LAMB4: variants seen among roughly 807,000 people sequenced by gnomAD.
LAMB4 encodes the protein laminin subunit beta-4.
LAMB4 carries 196 observed loss-of-function variants against 199.2 expected under a neutral mutation model. That is an observed-to-expected ratio of 0.98 (90% CI 0.88 to 1.11). LAMB4 has a LOEUF of 1.11. LAMB4 is among the 50% of genes least tolerant of loss of function. The pLI is 0.00. For synonymous variants in LAMB4, 744 were observed against 770.6 expected, an observed-to-expected ratio of 0.97 and a Z score of 0.57; for missense variants, 2,080 against 2,171.2, an observed-to-expected ratio of 0.96 and a Z score of 0.83.
chr7:108,103,377 G>T, intron 9 of LAMB4, 145 bp from the exon 10 acceptor site: 1 of 588,038 alleles, frequency 1.7e-6, no homozygotes, highest in Non-Finnish European at 2.9e-6. Context: ...AGCAAACACA[G>T]GGCCAAAATG....
chr7:108,044,027 A>G (rs759725333), intron 28 of LAMB4, 131 bp from the exon 29 acceptor site: 4 of 668,630 alleles, frequency 6.0e-6, no homozygotes, highest in Non-Finnish European at 9.5e-6. Context: ...TAGATAAACC[A>G]TAGATTCATT....
chr7:108,047,338 A>G (rs943864015), intron 28 of LAMB4, among the ~76,000 whole-genome samples: 4 of 152,102 alleles, frequency 2.6e-5, no homozygotes, highest in Admixed American at 2.0e-4. Flanking sequence ...GCCATCTCTG[A>G]GACAGCAAGA....
chr7:108,047,891 C>T lies in LAMB4; in HGVS notation c.4326+17G>A. ...TATTGCTATAACTTTACAAATAAAG[C>T]AAGAGAAGATATTTACCTGATTTTT... On this transcript the variant is annotated intron_variant, in intron 28 of 33. Coordinates refer to ENST00000388781, the MANE Select transcript of LAMB4 (RefSeq NM_007356.3). 1 of 1,597,858 alleles carries T rather than the reference C, an allele frequency of 6.3e-7. No individual in the cohort carries two copies. The highest frequency in any genetic ancestry group is 8.6e-7 in the Non-Finnish European group (1 of 1,165,250).
intron 29 of LAMB4, among the ~76,000 whole-genome samples, chr7:108,040,610 A>G (rs1257622150): frequency 2.6e-5 from 4 of 152,216 alleles, no homozygotes; most frequent in African/African-American, 9.6e-5. Context: ...AAGGCCACAC[A>G]TCTAGAACTA....
At chr7:108,041,047 C>T (rs193133302) in intron 29 of LAMB4, among the ~76,000 whole-genome samples, 1 of 151,860 alleles carries the variant, frequency 6.6e-6, no homozygotes, top group East Asian at 1.9e-4. Context: ...GAACTTAAAT[C>T]TACAAGAAAA....
chr7:108,023,122 A>G (rs2034726255), downstream of LAMB4, among the ~76,000 whole-genome samples: 1 of 152,054 alleles, frequency 6.6e-6, no homozygotes, highest in Admixed American at 6.6e-5. Flanking sequence ...CTTTAAATCT[A>G]TTTTTTATGA....
At chr7:108,037,347 G>T (rs2035265480) in intron 30 of LAMB4, 41 bp downstream of exon 30, 1 of 1,446,728 alleles carries the variant, frequency 6.9e-7, no homozygotes, top group South Asian at 1.2e-5. Context: ...TTCAGCAGAT[G>T]GTCTGTTAGA....
the LAMB4 span, among the ~76,000 whole-genome samples, chr7:108,015,361 T>C: frequency 6.6e-6 from 1 of 152,242 alleles, no homozygotes; most frequent in African/African-American, 2.4e-5. Flanking sequence ...AGTGGTTTGG[T>C]TGTTAAATAT....
rs1563027777 is a variant in LAMB4 at position 108,029,189 on chromosome 7, A to C, written c.5000T>G (p.Val1667Gly). The C allele has an allele frequency of 6.2e-7, 1 of 1,611,850 alleles. No homozygotes were observed. Among genetic ancestry groups the C allele is most frequent in the Non-Finnish European group, 8.5e-7 (1 of 1,179,408 alleles). ...AATAGCATATTGTTTTTTCAGCTCA[A>C]CAAATTCCTGTAACAAGCAACACTT... is the stretch of plus-strand genomic sequence containing the variant. The part of the protein sequence containing the change: ...HQAGSLEKEF[V>G]ELKKQYAILQ... The change falls in exon 33 of 34, where the codon GTT becomes GGT. Residue 1667 changes from valine to glycine, a missense_variant. By Grantham distance (109) the Val-to-Gly change is moderately radical (BLOSUM62 -3). Coordinates refer to ENST00000388781, the MANE Select transcript of LAMB4 (RefSeq NM_007356.3).
In LAMB4 at chr7:108,034,346, C is replaced by T. The variant is rs34682332; in HGVS notation, c.4680G>A (p.Glu1560=). ...QKLLVKAKAA[E]KAANILLNLD... ...GATTTAATAGAATATTTGCTGCTTTCCTAAGGTAAGATATTAACATATCAG... is the reference window on the plus strand; with the variant it reads ...GATTTAATAGAATATTTGCTGCTTTTCTAAGGTAAGATATTAACATATCAG... The change falls in exon 31 of 34, where the codon GAG becomes GAA. Residue 1560 remains glutamate (E), a splice_region_variant and synonymous_variant. Transcript: ENST00000388781. 302 of 1,601,250 alleles carry T rather than the reference C, an allele frequency of 1.9e-4. 2 individuals are homozygous for T. In the African/African-American group the frequency reaches 3.8e-3, roughly 20 times the overall value.
intron 29 of LAMB4, among the ~76,000 whole-genome samples, chr7:108,041,000 T>G (rs889957000): frequency 6.6e-6 from 1 of 152,110 alleles, no homozygotes; most frequent in African/African-American, 2.4e-5. Context: ...TTGCAAACTA[T>G]GCATCTGACA....
In LAMB4 at chr7:108,109,081, C is replaced by T. The variant is rs928923631; in HGVS notation, c.402+90G>A. 4 of 982,538 alleles carry T rather than the reference C, an allele frequency of 4.1e-6. No individual in the cohort carries two copies. In the African/African-American group the frequency reaches 6.4e-5, roughly 16 times the overall value. The allele number at this position is 982,538 out of a possible 1,614,324, so 60.9% of individuals were successfully genotyped here. On this transcript the variant is annotated intron_variant, in intron 5 of 33. Coordinates refer to ENST00000388781, the MANE Select transcript of LAMB4 (RefSeq NM_007356.3). ...TCTGAACTTATTCTGTTTTTGTTCA[C>T]TGCAAGGAAGCAAGGCAGTGAAATT...
At chr7:108,081,426 T>C (rs10263745) in intron 14 of LAMB4, among the ~76,000 whole-genome samples, 2,932 of 152,334 alleles carry the variant, frequency 0.019, 93 homozygotes, top group African/African-American at 0.066. Context: ...CAAGGTTTGT[T>C]TTACCTGAGA....
chr7:108,030,797 A>C lies in LAMB4; in HGVS notation c.4992+9T>G, dbSNP rs1414976806. The stretch of plus-strand genomic sequence containing the variant: ...TTCTGCTCTTGGTGGCAGTGGTAGA[A>C]CTAATGACCTTCTCAAGACTCCCAG... On this transcript the variant is annotated intron_variant, in intron 32 of 33. Transcript: ENST00000388781. The C allele has an allele frequency of 1.2e-6, 2 of 1,612,822 alleles. No homozygotes were observed. The highest frequency in any genetic ancestry group is 1.7e-6 in the Non-Finnish European group (2 of 1,179,290).
At chr7:108,019,892 A>C (rs543330921), downstream of LAMB4, among the ~76,000 whole-genome samples, 3 of 152,112 alleles carry the variant, frequency 2.0e-5, no homozygotes, top group South Asian at 4.2e-4. Flanking sequence ...GCTGTCCTTC[A>C]TCTGTGATTG....
intron 33 of LAMB4, chr7:108,027,013 C>T (rs1001883530): frequency 1.8e-5 from 8 of 436,708 alleles, no homozygotes; most frequent in Non-Finnish European, 3.1e-5. Context: ...ATTTCAAGAA[C>T]TATAAAAGCT....
At chr7:108,085,124 G>T (rs753948105) in intron 14 of LAMB4, among the ~76,000 whole-genome samples, 5 of 152,116 alleles carry the variant, frequency 3.3e-5, no homozygotes, top group Non-Finnish European at 5.9e-5. Flanking sequence ...GAGAAAGACA[G>T]GACAACGCAC....
rs1368402854 is a variant in LAMB4, at chr7:108,098,494, G to A, written c.1269C>T (p.Cys423=). 1 of 1,613,952 alleles carries A rather than the reference G, an allele frequency of 6.2e-7. No homozygotes were observed. Among genetic ancestry groups the A allele is most frequent in the South Asian group, 1.1e-5 (1 of 91,068 alleles). ...DPALGSVAGQ[C]LCKENVEGAK... is the part of the protein sequence containing the mutation. ...CTCCTTCCACGTTCTCTTTACAAAG[G>A]CACTGGCCGGCCACAGACCCTAAGG... is the stretch of plus-strand genomic sequence containing the variant. Residue 423 remains cysteine, a synonymous_variant, in exon 11 of 34, where the codon TGC becomes TGT. Coordinates refer to ENST00000388781, the MANE Select transcript of LAMB4 (RefSeq NM_007356.3).
In LAMB4 at chr7:108,063,790, TAGTGACCTGGTTTGCAG is replaced by T. The variant is rs745350745; in HGVS notation, c.3015_3031del (p.Cys1006TrpfsTer33). On this transcript the variant is annotated frameshift_variant, in exon 22 of 34. Coordinates refer to ENST00000388781, the MANE Select transcript of LAMB4 (RefSeq NM_007356.3). LOFTEE classifies it high-confidence loss of function. ...GCAGGTCTGATTGAGGGCTGATCCA[TAGTGACCTGGTTTGCAG>T]AGCTGGCAGTTTGCGCCCTGAGTGT... The T allele has an allele frequency of 6.2e-7, 1 of 1,614,184 alleles. No individual in the cohort carries two copies. Among genetic ancestry groups the T allele is most frequent in the Non-Finnish European group, 8.5e-7 (1 of 1,180,026 alleles).
Sources: gnomAD v4.1 joint callset for allele counts (sites outside exome capture counted in the v4.1 genomes callset) on GRCh38, gnomAD v4.1.1 for gene constraint, MANE v1.5 for transcripts, NCBI Gene and HGNC (gene_info 2026-07-23, HGNC 2026-07-21) for gene names.